PNISR: variants seen among roughly 807,000 people sequenced by gnomAD.
PNISR encodes the protein arginine/serine-rich protein PNISR.
Under a neutral mutation model 93.4 loss-of-function variants are expected in PNISR, and 20 were observed. The ratio of observed to expected loss-of-function variants is 0.21; its 90% CI spans 0.15 to 0.31. The LOEUF is 0.31. PNISR is among the 10% of genes least tolerant of loss of function. The pLI is 1.00. For missense variants in PNISR, 893 were observed against 985.4 expected (o/e 0.91, Z 1.25); for synonymous variants, 305 against 306.5 (o/e 0.99, Z 0.05).
chr6:99,404,530 C>CA (rs751437553), intron 9 of PNISR, 73 bp downstream of exon 9: 1 of 805,294 alleles, frequency 1.2e-6, no homozygotes, highest in Non-Finnish European at 2.3e-6. Context: ...ACAAGGACAA[C>CA]AAAAAAAGGC....
rs886918533 is a variant in PNISR at position 99,402,691 on chromosome 6, T to C, written c.1176A>G (p.Gly392=). The C allele has an allele frequency of 1.2e-6, 2 of 1,602,138 alleles. No individual in the cohort carries two copies. Among genetic ancestry groups the C allele is most frequent in the Non-Finnish European group, 1.7e-6 (2 of 1,172,188 alleles). ...TCCTCTCATCTTCACTGTCTCCTGA[T>C]CCATAACCACCCAGTCCACCTGTGT... is the stretch of plus-strand genomic sequence containing the variant. The part of the protein sequence containing the change: ...LTGLGGLGGY[G]SGDSEDERSD... The change falls in exon 11 of 12, where the codon GGA becomes GGG. Residue 392 remains glycine (G), a synonymous_variant. Coordinates refer to ENST00000369239, the MANE Select transcript of PNISR (RefSeq NM_032870.4).
intron 8 of PNISR, among the ~76,000 whole-genome samples, chr6:99,405,207 G>A (rs1776003110): frequency 6.6e-6 from 1 of 152,040 alleles, no homozygotes; most frequent in Non-Finnish European, 1.5e-5. Context: ...GCTCACACCT[G>A]TAATCCCAGC....
At chr6:99,407,405 A>T (rs1338344673) in intron 7 of PNISR, among the ~76,000 whole-genome samples, 2 of 152,120 alleles carry the variant, frequency 1.3e-5, no homozygotes, top group African/African-American at 4.8e-5. Context: ...GTTATTTAAC[A>T]TCTAGAATAA....
In PNISR at chr6:99,398,445, TAAATCTGCCACTAA is replaced by T. The variant is rs1267101504; in HGVS notation, c.*2081_*2094del. ...CATGTCAAGAAAATAAAGAATTCTC[TAAATCTGCCACTAA>T]AAGTCTGAAAAACCCAAATATCAAA... On this transcript the variant is annotated 3_prime_UTR_variant, in exon 12 of 12. Coordinates refer to ENST00000369239, the MANE Select transcript of PNISR (RefSeq NM_032870.4). 1 of 152,156 alleles carries T rather than the reference TAAATCTGCCACTAA, an allele frequency of 6.6e-6. No homozygotes were observed. The highest frequency in any genetic ancestry group is 1.5e-5 in the Non-Finnish European group (1 of 67,974). 9.4% of individuals were successfully genotyped at this position (152,156 alleles called of 1,614,324 possible).
chr6:99,411,139 C>T, intron 4 of PNISR, 175 bp from the exon 5 acceptor site: 2 of 568,776 alleles, frequency 3.5e-6, no homozygotes, highest in Non-Finnish European at 6.3e-6. Context: ...ACTAAACTGT[C>T]ATATATAATT....
chr6:99,412,211 T>C (rs1160253008), intron 4 of PNISR: 4 of 489,278 alleles, frequency 8.2e-6, no homozygotes, highest in Non-Finnish European at 1.6e-5. Flanking sequence ...TGTTTTACTC[T>C]GCCAGTGCTG....
chr6:99,403,751 CA>C lies in PNISR; in HGVS notation c.1156+77del, dbSNP rs1775807307. 8.5e-6 allele frequency: 9 copies of C among 1,057,958 alleles called. No individual in the cohort carries two copies. In the East Asian group the frequency reaches 2.2e-4, roughly 25 times the overall value. The allele number at this position is 1,057,958 out of a possible 1,614,324, so 65.5% of individuals were successfully genotyped here. A position where few individuals can be genotyped will look rare whatever the true frequency, so the allele number is the denominator to read the frequency against. Reference sequence around the variant, plus strand: ...AAACTGAGTAGGACTAATACAGTTTCAAAATAGAACACGCAGAGAGACAATG... The same window carrying C: ...AAACTGAGTAGGACTAATACAGTTTCAAATAGAACACGCAGAGAGACAATG... On this transcript the variant is annotated intron_variant, in intron 10 of 11. Transcript: ENST00000369239.
chr6:99,422,876 C>CAAAAAAAAAAA (rs58924048), intron 1 of PNISR, among the ~76,000 whole-genome samples: 5 of 94,954 alleles, frequency 5.3e-5, no homozygotes, highest in African/African-American at 4.5e-5. Context: ...CACTCTGTCT[C>CAAAAAAAAAAA]AAAAAAAAAA....
chr6:99,422,703 C>T (rs2128498099), intron 1 of PNISR, among the ~76,000 whole-genome samples: 1 of 152,008 alleles, frequency 6.6e-6, no homozygotes, highest in East Asian at 1.9e-4. Flanking sequence ...GCGAAACCTC[C>T]ACTCTACTGA....
intron 10 of PNISR, chr6:99,403,608 C>T (rs1218811696): frequency 5.7e-6 from 2 of 353,332 alleles, no homozygotes; most frequent in African/African-American, 4.2e-5. Flanking sequence ...ATAACCTGCC[C>T]CAATAAACTA....
Position 99,399,278 on chromosome 6 carries a change from C to G in PNISR, c.*1262G>C, listed in dbSNP as rs1775186229. 6.6e-6 allele frequency: 1 copy of G among 151,970 alleles called. No homozygotes were observed. Among genetic ancestry groups the G allele is most frequent in the African/African-American group, 2.4e-5 (1 of 41,390 alleles). The allele number at this position is 151,970 out of a possible 1,614,324, so 9.4% of individuals were successfully genotyped here. ...ACCCTAAAGCAACTGAGTTAAAATG[C>G]TTTGAGAGCCCCATTCTACTTGTAA... On this transcript the variant is annotated 3_prime_UTR_variant, in exon 12 of 12. Coordinates refer to ENST00000369239, the MANE Select transcript of PNISR (RefSeq NM_032870.4).
At chr6:99,414,535 C>T (rs371692203) in intron 3 of PNISR, 37 bp downstream of exon 3, 6 of 1,104,784 alleles carry the variant, frequency 5.4e-6, no homozygotes, top group Non-Finnish European at 8.3e-6. Flanking sequence ...TTCCACATAT[C>T]CAACCCCGCC....
intron 4 of PNISR, 86 bp from the exon 5 acceptor site, chr6:99,411,050 C>T: frequency 1.0e-6 from 1 of 984,930 alleles, no homozygotes; most frequent in Non-Finnish European, 1.6e-6. Flanking sequence ...AAAGATTTTT[C>T]AGTAAACATA....
At chr6:99,417,160 T>C (rs1218732596) in intron 1 of PNISR, among the ~76,000 whole-genome samples, 1 of 152,184 alleles carries the variant, frequency 6.6e-6, no homozygotes, top group South Asian at 2.1e-4. Flanking sequence ...AATACAGACA[T>C]TATCAACAGC....
At chr6:99,417,592 G>A (rs1171958229) in intron 1 of PNISR, among the ~76,000 whole-genome samples, 1 of 152,122 alleles carries the variant, frequency 6.6e-6, no homozygotes, top group Non-Finnish European at 1.5e-5. Context: ...AATTCGTGGT[G>A]ATTAATATCA....
At chr6:99,405,184 G>A (rs1775999872) in intron 8 of PNISR, among the ~76,000 whole-genome samples, 1 of 152,166 alleles carries the variant, frequency 6.6e-6, no homozygotes, top group African/African-American at 2.4e-5. Flanking sequence ...AAAATTCCAG[G>A]CTGGGTGCAG....
At chr6:99,414,378 TGA>T (rs1429566979) in intron 3 of PNISR, among the ~76,000 whole-genome samples, 192 bp downstream of exon 3, 1 of 152,242 alleles carries the variant, frequency 6.6e-6, no homozygotes, top group Non-Finnish European at 1.5e-5. Context: ...TTCTACATTT[TGA>T]GAGTCTTCCA....
intron 1 of PNISR, 147 bp downstream of exon 1, chr6:99,425,068 C>T: frequency 2.3e-6 from 1 of 433,984 alleles, no homozygotes; most frequent in Non-Finnish European, 3.8e-6. Flanking sequence ...GTCTGGCGGA[C>T]CGCAGCGCTT....
chr6:99,409,473 T>C (rs912922012), intron 5 of PNISR, 129 bp from the exon 6 acceptor site: 2 of 716,226 alleles, frequency 2.8e-6, no homozygotes, highest in Admixed American at 3.1e-5. Flanking sequence ...ATGGCTCTAA[T>C]ATCCACCGAT....
Sources: gnomAD v4.1 joint callset for allele counts (sites outside exome capture counted in the v4.1 genomes callset) on GRCh38, gnomAD v4.1.1 for gene constraint, MANE v1.5 for transcripts, NCBI Gene and HGNC (gene_info 2026-07-23, HGNC 2026-07-21) for gene names.